The following GPBP1 variants were observed in gnomAD, a reference collection of about 807,000 sequenced individuals.
GPBP1 encodes GC-rich promoter binding protein 1, also known as vasculin.
In GPBP1, 13 loss-of-function variants were observed where a neutral mutation model predicts 56.5. The ratio of observed to expected loss-of-function variants is 0.23; its 90% confidence interval spans 0.15 to 0.37. The LOEUF is 0.37. Among genes scored for constraint, GPBP1 ranks in the 10% least tolerant of loss-of-function variants. GPBP1 has a pLI of 1.00. For synonymous variants in GPBP1, 204 were observed against 188.9 expected, an observed-to-expected ratio of 1.08 and a Z score of -0.66; for missense variants, 477 against 572.3, an observed-to-expected ratio of 0.83 and a Z score of 1.70.
intron 2 of GPBP1, among the ~76,000 whole-genome samples, chr5:57,196,016 T>C (rs1377447303): frequency 4.0e-5 from 6 of 150,962 alleles, no homozygotes; most frequent in Non-Finnish European, 5.9e-5. Context: ...ATTTTTTTTT[T>C]TTGTTTGCAA....
intron 2 of GPBP1, among the ~76,000 whole-genome samples, chr5:57,186,513 C>T (rs565318680): frequency 8.6e-5 from 13 of 151,810 alleles, no homozygotes; most frequent in Admixed American, 7.9e-4. Flanking sequence ...TCGTTCTTAT[C>T]TTTTAGGTCT....
chr5:57,183,798 G>T (rs1027259846), intron 2 of GPBP1, among the ~76,000 whole-genome samples: 6 of 148,928 alleles, frequency 4.0e-5, no homozygotes, highest in African/African-American at 9.9e-5. Context: ...TGGAGACAGG[G>T]TCTCACTCTA....
chr5:57,236,397 G>A (rs929753), intron 6 of GPBP1, among the ~76,000 whole-genome samples: 96,650 of 151,962 alleles, frequency 0.64, 31,402 homozygotes, highest in East Asian at 0.98. Flanking sequence ...ACTTTAACTG[G>A]AAATACTTCT....
chr5:57,187,104 AT>A (rs879420126), intron 2 of GPBP1, among the ~76,000 whole-genome samples: 165 of 149,662 alleles, frequency 1.1e-3, no homozygotes, highest in Non-Finnish European at 1.5e-3. Flanking sequence ...ATAGTATTTG[AT>A]TTTTTTTTCT....
rs566806878 is a variant in GPBP1, at chr5:57,251,313, C to T, written c.1160+172C>T. 5.3e-5 allele frequency among the ~76,000 whole-genome samples: 8 copies of T among 152,260 alleles called. No individual in the cohort carries two copies. In the East Asian group the frequency reaches 7.7e-4, roughly 15 times the overall value. The stretch of plus-strand genomic sequence containing the variant: ...TATTCAAAGTAGCCCTTTGTTCACT[C>T]GCATTTACTTTTCATTTGCACTCTG... On this transcript the variant is annotated intron_variant, in intron 10 of 11. Transcript: ENST00000506184.
intron 2 of GPBP1, among the ~76,000 whole-genome samples, chr5:57,180,032 G>C (rs1202543562): frequency 6.6e-6 from 1 of 152,088 alleles, no homozygotes; most frequent in African/African-American, 2.4e-5. Context: ...ACTGGGGAGA[G>C]TTACAAGAAA....
chr5:57,236,448 A>T (rs1756665612), intron 6 of GPBP1, among the ~76,000 whole-genome samples: 1 of 151,670 alleles, frequency 6.6e-6, no homozygotes, highest in Non-Finnish European at 1.5e-5. Context: ...TACCTATGAA[A>T]GTGGTTACGT....
chr5:57,242,479 A>T (rs1224222578), intron 6 of GPBP1, among the ~76,000 whole-genome samples: 4 of 152,170 alleles, frequency 2.6e-5, no homozygotes. Context: ...ATTCTTCTGT[A>T]ATATTTAAAT....
At chr5:57,180,291 T>G (rs930568723) in intron 2 of GPBP1, among the ~76,000 whole-genome samples, 2 of 152,068 alleles carry the variant, frequency 1.3e-5, no homozygotes, top group Admixed American at 6.6e-5. Context: ...ATTTTTTGTA[T>G]TTTTTGTAGA....
At chr5:57,249,619 C>T in intron 9 of GPBP1, 43 bp downstream of exon 9, 1 of 1,497,126 alleles carries the variant, frequency 6.7e-7, no homozygotes, top group Non-Finnish European at 9.1e-7. Context: ...ATTGATATGT[C>T]ATTGAAATAT....
At chr5:57,255,740 A>G (rs777844068) in intron 10 of GPBP1, among the ~76,000 whole-genome samples, 12 of 152,232 alleles carry the variant, frequency 7.9e-5, no homozygotes, top group Non-Finnish European at 1.8e-4. Context: ...CCTTTAGAAA[A>G]TGTTTCTTAT....
intron 3 of GPBP1, among the ~76,000 whole-genome samples, chr5:57,228,616 G>T (rs569191604): frequency 4.6e-5 from 7 of 151,834 alleles, no homozygotes; most frequent in African/African-American, 1.7e-4. Context: ...GGGGGAAAAA[G>T]ATCCCCTCCA....
rs941335063 is a variant in GPBP1, at chr5:57,238,561, AAAAT to A, written c.478+2550_478+2553del. ...CAACAAGAGTGAAACTCCGTCTCAAAAAATAAATAAATAAATAAATAAATTAGTG... is the reference window on the plus strand; with the variant it reads ...CAACAAGAGTGAAACTCCGTCTCAAAAAATAAATAAATAAATAAATTAGTG... On this transcript the variant is annotated intron_variant, in intron 6 of 11. Transcript: ENST00000506184. Among the ~76,000 whole-genome samples the A allele has an allele frequency of 5.3e-5, 8 of 151,424 alleles. No individual in the cohort carries two copies. In the East Asian group the frequency reaches 1.2e-3, roughly 22 times the overall value.
chr5:57,250,543 T>G (rs1261735269), intron 9 of GPBP1, among the ~76,000 whole-genome samples: 3 of 151,250 alleles, frequency 2.0e-5, no homozygotes, highest in Admixed American at 6.6e-5. Flanking sequence ...CGTTTATGGT[T>G]GTTGGTTTTT....
chr5:57,178,142 A>G (rs776461099), intron 2 of GPBP1, among the ~76,000 whole-genome samples: 3 of 152,184 alleles, frequency 2.0e-5, no homozygotes, highest in Admixed American at 6.5e-5. Context: ...CCTCAATTCA[A>G]TGACTTTTCA....
At chr5:57,224,261 T>TG (rs1399390809) in intron 3 of GPBP1, among the ~76,000 whole-genome samples, 1 of 151,120 alleles carries the variant, frequency 6.6e-6, no homozygotes, top group Non-Finnish European at 1.5e-5. Flanking sequence ...TTTTTTTTTT[T>TG]GAGACAAAGT....
chr5:57,196,096 G>T (rs1280465103), intron 2 of GPBP1, among the ~76,000 whole-genome samples: 1 of 150,714 alleles, frequency 6.6e-6, no homozygotes, highest in Non-Finnish European at 1.5e-5. Context: ...TCCATATGAT[G>T]GTTACTTCTT....
chr5:57,235,596 T>C (rs555361173), intron 5 of GPBP1, among the ~76,000 whole-genome samples: 2 of 152,316 alleles, frequency 1.3e-5, no homozygotes, highest in South Asian at 4.1e-4. Context: ...GTAACTAGTT[T>C]AATGGTTAGC....
chr5:57,205,733 G>C (rs767499676), intron 2 of GPBP1, among the ~76,000 whole-genome samples: 1 of 151,962 alleles, frequency 6.6e-6, no homozygotes. Context: ...AAATATTCAA[G>C]TGCTTTGCCC....
Sources: allele counts gnomAD v4.1 joint callset (sites outside exome capture counted in the v4.1 genomes callset), GRCh38; gene constraint gnomAD v4.1.1; transcripts MANE v1.5; gene names NCBI Gene and HGNC (gene_info 2026-07-23, HGNC 2026-07-21).